SBNO1: variants seen among roughly 807,000 people sequenced by gnomAD.
The protein encoded by SBNO1 is protein strawberry notch homolog 1.
In SBNO1, 23 loss-of-function variants were observed where a neutral mutation model predicts 173.6. That is an observed-to-expected ratio of 0.13 (90% confidence interval 0.10 to 0.19). The LOEUF (loss-of-function observed/expected upper bound fraction) is 0.19, where lower values mean the gene tolerates loss of function less well. Among genes scored for constraint, SBNO1 ranks in the 10% least tolerant of loss-of-function variants. The probability of loss-of-function intolerance (pLI) is 1.00; values close to 1 mark genes in which losing one functional copy is unlikely to be tolerated. For missense variants in SBNO1, 1,238 were observed against 1,671.2 expected (o/e 0.74, Z 4.52); for synonymous variants, 632 against 571.5 (o/e 1.11, Z -1.51).
chr12:123,338,111 A>T (rs998740162), intron 5 of SBNO1, among the ~76,000 whole-genome samples: 2 of 152,188 alleles, frequency 1.3e-5, no homozygotes, highest in African/African-American at 2.4e-5. Flanking sequence ...GATGTTCACT[A>T]CACAACGCTG....
chr12:123,329,079 G>A (rs751731182), intron 9 of SBNO1, among the ~76,000 whole-genome samples, 184 bp from the exon 10 acceptor site: 1 of 152,080 alleles, frequency 6.6e-6, no homozygotes, highest in Non-Finnish European at 1.5e-5. Context: ...CAACTTTATA[G>A]TACAAAAATC....
intron 24 of SBNO1, among the ~76,000 whole-genome samples, chr12:123,313,055 T>C (rs1593344497): frequency 6.6e-6 from 1 of 151,584 alleles, no homozygotes; most frequent in East Asian, 1.9e-4. Flanking sequence ...ATACAAAAAT[T>C]AGCTGGGTGT....
At chr12:123,304,809 T>C (rs2048874751) in intron 28 of SBNO1, 90 bp from the exon 29 acceptor site, 2 of 904,680 alleles carry the variant, frequency 2.2e-6, no homozygotes, top group Admixed American at 2.5e-5. Context: ...ACATAATCAT[T>C]TGAGACTATA....
At position 123,334,162 on chromosome 12, in the gene SBNO1, G is replaced by T; in HGVS notation, c.800C>A (p.Ser267Tyr). 6.3e-7 allele frequency: 1 copy of T among 1,599,956 alleles called. No homozygotes were observed. The highest frequency in any genetic ancestry group is 8.5e-7 in the Non-Finnish European group (1 of 1,175,028). ...CCAAACATCAGGAGGAGTAACACTG[G>T]ATAAAGAGCTGGTTTCCACTACAGC... Reference protein sequence around the residue: ...PDAVVETSSLSSVTPPDVWYK... With the variant: ...PDAVVETSSLYSVTPPDVWYK... Residue 267 changes from serine (S) to tyrosine (Y), a missense_variant, in exon 7 of 32, where the codon TCC becomes TAC. By Grantham distance (144) the Ser-to-Tyr change is moderately radical. Transcript: ENST00000602398.
At chr12:123,319,537 A>G (rs1350921264) in intron 20 of SBNO1, among the ~76,000 whole-genome samples, 1 of 152,116 alleles carries the variant, frequency 6.6e-6, no homozygotes, top group Non-Finnish European at 1.5e-5. Context: ...CCTTCTGAGC[A>G]GCTGGGACTA....
intron 28 of SBNO1, among the ~76,000 whole-genome samples, chr12:123,308,810 A>G (rs1373828193): frequency 3.3e-5 from 5 of 151,890 alleles, no homozygotes; most frequent in Admixed American, 6.6e-5. Context: ...TCTACTAAAA[A>G]TAAAAAAATT....
At chr12:123,305,630 T>C (rs1325761892) in intron 28 of SBNO1, among the ~76,000 whole-genome samples, 1 of 152,054 alleles carries the variant, frequency 6.6e-6, no homozygotes, top group Non-Finnish European at 1.5e-5. Flanking sequence ...CTCACCACCA[T>C]GCCTGGCTAA....
At chr12:123,299,994 T>C (rs972265098) in intron 30 of SBNO1, among the ~76,000 whole-genome samples, 7 of 151,940 alleles carry the variant, frequency 4.6e-5, no homozygotes, top group African/African-American at 1.7e-4. Flanking sequence ...CTCAGCAATC[T>C]AGAGAGATGG....
intron 24 of SBNO1, among the ~76,000 whole-genome samples, chr12:123,312,711 GAA>G (rs63654462): frequency 4.1e-5 from 5 of 121,850 alleles, no homozygotes; most frequent in African/African-American, 6.1e-5. Flanking sequence ...ACCCCGTCTC[GAA>G]AAAAAAAAAA....
chr12:123,337,964 T>C (rs1489623020), intron 5 of SBNO1, among the ~76,000 whole-genome samples: 2 of 152,164 alleles, frequency 1.3e-5, no homozygotes, highest in Admixed American at 6.6e-5. Context: ...AGGACCACTA[T>C]ATCCAGGGAA....
At chr12:123,330,559 G>T in intron 8 of SBNO1, 50 bp from the exon 9 acceptor site, 29 of 861,510 alleles carry the variant, frequency 3.4e-5, no homozygotes, top group East Asian at 6.0e-5. Context: ...TATCATTCTA[G>T]AATTCAGGAA....
chr12:123,337,905 A>G (rs534005748), intron 5 of SBNO1, among the ~76,000 whole-genome samples: 74 of 152,280 alleles, frequency 4.9e-4, no homozygotes, highest in African/African-American at 1.6e-3. Flanking sequence ...TAAAATCATC[A>G]TAAAATTGAT....
chr12:123,340,263 C>T (rs1872368691), intron 5 of SBNO1, among the ~76,000 whole-genome samples: 1 of 152,082 alleles, frequency 6.6e-6, no homozygotes, highest in Admixed American at 6.6e-5. Context: ...TGATCCAAAG[C>T]ATACAGCATT....
chr12:123,326,331 C>T lies in SBNO1; in HGVS notation c.1696G>A (p.Val566Ile), dbSNP rs369659618. 19 of 1,586,800 alleles carry T rather than the reference C, an allele frequency of 1.2e-5. No individual in the cohort carries two copies. The highest frequency in any genetic ancestry group is 1.5e-5 in the Non-Finnish European group (18 of 1,166,366). The change falls in exon 14 of 32, where the codon GTC becomes ATC. Residue 566 changes from valine (V) to isoleucine (I), a missense_variant. Transcript: ENST00000602398. ...KMYNKAVKLW[V>I]IARERFQQAA... ...TGCTGAAACCGCTCTCTGGCGATGA[C>T]CCACTGAAGATACATAATCAACATT...
intron 13 of SBNO1, 82 bp from the exon 14 acceptor site, chr12:123,326,416 T>TA (rs1328064531): frequency 2.4e-6 from 2 of 836,020 alleles, no homozygotes; most frequent in East Asian, 5.3e-5. Flanking sequence ...AAAACAATGT[T>TA]AAGTGCAAGA....
intron 24 of SBNO1, among the ~76,000 whole-genome samples, chr12:123,313,287 A>AAAAT (rs1367195469): frequency 2.7e-4 from 40 of 150,166 alleles, no homozygotes; most frequent in African/African-American, 8.7e-4. Flanking sequence ...TAAAAAAAAT[A>AAAAT]AAATAAATAA....
chr12:123,294,634 C>G lies in SBNO1; in HGVS notation c.*1274G>C. ...TTTTCAATAGTGCAACCTGTGGAAG[C>G]AAAAAAAAAAAAAAAAAAAAAAAAA... is the stretch of plus-strand genomic sequence containing the variant. On this transcript the variant is annotated 3_prime_UTR_variant, in exon 32 of 32. Coordinates refer to ENST00000602398, the MANE Select transcript of SBNO1 (RefSeq NM_001167856.3). 1 of 59,956 alleles carries G rather than the reference C, an allele frequency of 1.7e-5. No individual in the cohort carries two copies. The highest frequency in any genetic ancestry group is 8.1e-5 in the African/African-American group (1 of 12,272). The allele number at this position is 59,956 out of a possible 1,614,324, so 3.7% of individuals were successfully genotyped here.
intron 4 of SBNO1, among the ~76,000 whole-genome samples, chr12:123,342,980 G>T (rs1458357000): frequency 1.3e-5 from 2 of 152,142 alleles, no homozygotes; most frequent in Non-Finnish European, 2.9e-5. Context: ...AGGTGCTCAC[G>T]CCTGTAATCC....
intron 29 of SBNO1, among the ~76,000 whole-genome samples, chr12:123,303,488 A>G (rs1225937904): frequency 6.6e-6 from 1 of 152,092 alleles, no homozygotes; most frequent in Non-Finnish European, 1.5e-5. Context: ...TCTACTAAAC[A>G]TACAAAAAAA....
Sources: allele counts gnomAD v4.1 joint callset (sites outside exome capture counted in the v4.1 genomes callset), GRCh38; gene constraint gnomAD v4.1.1; transcripts MANE v1.5; gene names NCBI Gene and HGNC (gene_info 2026-07-23, HGNC 2026-07-21).